HEMK2: variants seen among roughly 807,000 people sequenced by gnomAD.
HEMK2 encodes the protein HemK methyltransferase 2, ETF1 glutamine and histone H4 lysine, also known as methyltransferase HEMK2.
At chr21:28,854,605 G>A in the HEMK2 span, among the ~76,000 whole-genome samples, 12 of 152,290 alleles carry the variant, frequency 7.9e-5, no homozygotes, top group African/African-American at 2.6e-4. Flanking sequence ...TGCAGGCTGA[G>A]GAGCAAGGAG....
At chr21:28,866,161 C>A in the HEMK2 span, among the ~76,000 whole-genome samples, 50,605 of 70,634 alleles carry the variant, frequency 0.72, 19,310 homozygotes, top group South Asian at 0.82. Context: ...AAAACAAAAA[C>A]AAACAAAAAA....
At chr21:28,836,419 T>C in the HEMK2 span, among the ~76,000 whole-genome samples, 2 of 152,120 alleles carry the variant, frequency 1.3e-5, no homozygotes, top group Non-Finnish European at 2.9e-5. Flanking sequence ...ATAGTCTTTT[T>C]TAGACAAACA....
the HEMK2 span, among the ~76,000 whole-genome samples, chr21:28,797,815 T>A: frequency 1.4e-4 from 21 of 152,186 alleles, no homozygotes; most frequent in African/African-American, 4.3e-4. Flanking sequence ...CTGCCTGTTG[T>A]TGCTAAAAGG....
At chr21:28,576,148 T>C in the HEMK2 span, among the ~76,000 whole-genome samples, 1 of 152,224 alleles carries the variant, frequency 6.6e-6, no homozygotes, top group Non-Finnish European at 1.5e-5. Context: ...ATATGTTTAA[T>C]GTTATAAGAA....
the HEMK2 span, among the ~76,000 whole-genome samples, chr21:28,613,097 A>AGATAGAAAGAT: frequency 5.3e-5 from 8 of 150,794 alleles, no homozygotes; most frequent in African/African-American, 2.0e-4. Context: ...GATAGATAGA[A>AGATAGAAAGAT]AGATAGATAG....
the HEMK2 span, among the ~76,000 whole-genome samples, chr21:28,602,233 C>T: frequency 3.3e-5 from 5 of 151,862 alleles, no homozygotes; most frequent in Admixed American, 6.6e-5. Flanking sequence ...TTATTGTATT[C>T]ATTTTTACAT....
chr21:28,766,000 T>C, the HEMK2 span, among the ~76,000 whole-genome samples: 1 of 152,106 alleles, frequency 6.6e-6, no homozygotes, highest in African/African-American at 2.4e-5. Flanking sequence ...TCATGTCCTT[T>C]GCAGGGACAT....
the HEMK2 span, among the ~76,000 whole-genome samples, chr21:28,776,568 A>T: frequency 3.0e-3 from 455 of 152,216 alleles, 1 homozygote; most frequent in African/African-American, 0.01. Context: ...AGGAGTATTG[A>T]CTCACACGAT....
the HEMK2 span, among the ~76,000 whole-genome samples, chr21:28,779,982 A>G: frequency 6.6e-6 from 1 of 152,162 alleles, no homozygotes; most frequent in African/African-American, 2.4e-5. Flanking sequence ...TCCCTCTGCC[A>G]ACCCATCATC....
At chr21:28,635,209 C>T in the HEMK2 span, among the ~76,000 whole-genome samples, 1 of 150,856 alleles carries the variant, frequency 6.6e-6, no homozygotes, top group Non-Finnish European at 1.5e-5. Flanking sequence ...TCAAGTGATT[C>T]TCCTGCCTGA....
At chr21:28,867,876 A>G in the HEMK2 span, among the ~76,000 whole-genome samples, 1 of 152,210 alleles carries the variant, frequency 6.6e-6, no homozygotes, top group East Asian at 1.9e-4. Context: ...TTCCCATTCC[A>G]TTGTCATAAA....
chr21:28,849,897 C>T, the HEMK2 span, among the ~76,000 whole-genome samples: 5 of 152,192 alleles, frequency 3.3e-5, no homozygotes, highest in African/African-American at 1.2e-4. Context: ...GACTCATTGG[C>T]ATCCCTGAGA....
chr21:28,733,914 C>T, the HEMK2 span, among the ~76,000 whole-genome samples: 1 of 152,246 alleles, frequency 6.6e-6, no homozygotes, highest in African/African-American at 2.4e-5. Context: ...GATCCTTTTT[C>T]CCCTTCACAC....
At chr21:28,840,402 C>T in the HEMK2 span, among the ~76,000 whole-genome samples, 3 of 152,158 alleles carry the variant, frequency 2.0e-5, no homozygotes, top group South Asian at 2.1e-4. Context: ...GCATTGCAAA[C>T]GGAACAGTCA....
the HEMK2 span, among the ~76,000 whole-genome samples, chr21:28,794,630 A>C: frequency 1.2e-4 from 19 of 152,264 alleles, no homozygotes; most frequent in African/African-American, 4.3e-4. Context: ...AATTCCCTTC[A>C]GGAAATGTGG....
the HEMK2 span, among the ~76,000 whole-genome samples, chr21:28,748,663 A>G: frequency 6.6e-6 from 1 of 152,352 alleles, no homozygotes; most frequent in African/African-American, 2.4e-5. Context: ...AGAGACATGG[A>G]AATAAATATT....
chr21:28,799,363 G>C, the HEMK2 span, among the ~76,000 whole-genome samples: 1 of 152,060 alleles, frequency 6.6e-6, no homozygotes, highest in Non-Finnish European at 1.5e-5. Flanking sequence ...GAACAGCAAA[G>C]GAAAAACCCA....
the HEMK2 span, among the ~76,000 whole-genome samples, chr21:28,838,029 G>A: frequency 5.3e-3 from 808 of 152,134 alleles, 5 homozygotes; most frequent in Admixed American, 0.011. Context: ...AACAAGCAGC[G>A]AGATTGAAAT....
At chr21:28,752,637 G>A in the HEMK2 span, among the ~76,000 whole-genome samples, 1 of 152,160 alleles carries the variant, frequency 6.6e-6, no homozygotes, top group Non-Finnish European at 1.5e-5. Flanking sequence ...AGAGCCCTGG[G>A]TTAGCCATCA....
Sources: allele counts gnomAD v4.1 joint callset (sites outside exome capture counted in the v4.1 genomes callset), GRCh38; gene constraint gnomAD v4.1.1; transcripts MANE v1.5; gene names NCBI Gene and HGNC (gene_info 2026-07-23, HGNC 2026-07-21).